The following USP3 variants were observed in gnomAD, a reference collection of about 807,000 sequenced individuals.
USP3 encodes the protein ubiquitin specific peptidase 3.
USP3 carries 20 observed loss-of-function variants against 72.3 expected under a neutral mutation model. The observed-to-expected ratio is 0.28, with a 90% confidence interval of 0.19 to 0.40. The LOEUF (loss-of-function observed/expected upper bound fraction) is 0.40, where lower values mean the gene tolerates loss of function less well. Among genes scored for constraint, USP3 ranks in the 10% least tolerant of loss-of-function variants. The pLI, the probability that USP3 is intolerant of heterozygous loss-of-function variation, is 1.00. For synonymous variants in USP3, 222 were observed against 225.3 expected, an observed-to-expected ratio of 0.99 and a Z score of 0.13; for missense variants, 479 against 633.9, an observed-to-expected ratio of 0.76 and a Z score of 2.62.
intron 1 of USP3, among the ~76,000 whole-genome samples, chr15:63,515,266 TG>T (rs1276080547): frequency 3.3e-5 from 5 of 152,242 alleles, no homozygotes; most frequent in Non-Finnish European, 7.3e-5. Context: ...TCTGAATTTG[TG>T]GTAGAAGGAA....
Position 63,588,800 on chromosome 15 carries a change from A to G in USP3, c.1314A>G (p.Lys438=). 3.1e-6 allele frequency: 5 copies of G among 1,614,080 alleles called. No homozygotes were observed. The highest frequency in any genetic ancestry group is 1.3e-5 in the African/African-American group (1 of 75,066). The part of the protein sequence containing the change: ...VEFPLRGLDM[K]CYLLEPENSG... ...TTCCACTGAGAGGCCTAGACATGAA[A>G]TGCTACTTACTAGAGGTAAGGTGGT... is the stretch of plus-strand genomic sequence containing the variant. Residue 438 remains lysine, a synonymous_variant, in exon 13 of 15, where the codon AAA becomes AAG. Transcript: ENST00000380324. This position sits in a 1 kb window ranked among gnomAD's most constrained non-coding sequence, Gnocchi z 4.6.
At chr15:63,587,031 A>G (rs1003352441) in intron 11 of USP3, among the ~76,000 whole-genome samples, 8 of 152,170 alleles carry the variant, frequency 5.3e-5, no homozygotes, top group Admixed American at 2.6e-4. Flanking sequence ...AAGGCTGACT[A>G]TGGCTTGGAA....
intron 6 of USP3, 100 bp from the exon 7 acceptor site, chr15:63,559,757 G>GA: frequency 1.0e-6 from 1 of 968,548 alleles, no homozygotes; most frequent in East Asian, 2.7e-5. Flanking sequence ...TGAGACAATT[G>GA]AAAAATGGCA....
intron 1 of USP3, among the ~76,000 whole-genome samples, chr15:63,523,280 T>C (rs17184782): frequency 0.12 from 18,809 of 152,202 alleles, 1,581 homozygotes; most frequent in South Asian, 0.19. Context: ...TCATGAAATC[T>C]TTACCATAGC....
At chr15:63,513,108 G>T (rs796214055) in intron 1 of USP3, among the ~76,000 whole-genome samples, 17 of 152,246 alleles carry the variant, frequency 1.1e-4, no homozygotes, top group African/African-American at 4.1e-4. Context: ...TTCTTGAGTA[G>T]AAGTTTTCTC....
chr15:63,575,280 A>G (rs2066845363), intron 11 of USP3, among the ~76,000 whole-genome samples: 1 of 151,906 alleles, frequency 6.6e-6, no homozygotes, highest in Non-Finnish European at 1.5e-5. Flanking sequence ...TCACACTTGA[A>G]CCACATGTGC....
Position 63,559,893 on chromosome 15 carries a change from G to A in USP3, c.570G>A (p.Leu190=). The part of the protein sequence containing the change: ...IEQFCCYFKE[L]PAVELRNGKT... ...AGTTTTGCTGTTATTTCAAAGAACT[G>A]CCCGCCGTGGAGTTAAGGAATGGGA... Residue 190 remains leucine, a synonymous_variant, in exon 7 of 15, where the codon CTG becomes CTA. Coordinates refer to ENST00000380324, the MANE Select transcript of USP3 (RefSeq NM_006537.4). 1.2e-6 allele frequency: 2 copies of A among 1,613,864 alleles called. No homozygotes were observed. The highest frequency in any genetic ancestry group is 1.7e-6 in the Non-Finnish European group (2 of 1,179,908).
rs61574200 is a variant in USP3, at chr15:63,584,092, GTTTTTTTTTTT to G, written c.1097-4200_1097-4190del. On this transcript the variant is annotated intron_variant, in intron 11 of 14. Transcript: ENST00000380324. The stretch of plus-strand genomic sequence containing the variant: ...CCCACCAGCAAGGTACAACGGTTTT[GTTTTTTTTTTT>G]TTTTTTTTTTTTGAGATGGAGTCTC... 7.6e-4 allele frequency among the ~76,000 whole-genome samples: 65 copies of G among 85,582 alleles called. No homozygotes were observed. The South Asian group carries it at 0.025, about 33-fold the overall frequency. 56.1% of individuals were successfully genotyped at this position (85,582 alleles called of 152,430 possible).
intron 3 of USP3, among the ~76,000 whole-genome samples, chr15:63,543,286 T>C (rs895531704): frequency 1.3e-5 from 2 of 152,096 alleles, no homozygotes; most frequent in Non-Finnish European, 2.9e-5. Flanking sequence ...CTCAAACATA[T>C]TGTGAACAAC....
At chr15:63,514,220 A>G (rs2065823454) in intron 1 of USP3, among the ~76,000 whole-genome samples, 2 of 152,062 alleles carry the variant, frequency 1.3e-5, no homozygotes, top group African/African-American at 4.8e-5. Context: ...TTAGAGCCTC[A>G]TTTAAAAAAT....
In USP3 at chr15:63,529,781, G is replaced by A. The variant is rs188615203; in HGVS notation, c.92-2866G>A. Among the ~76,000 whole-genome samples the A allele has an allele frequency of 2.0e-5, 3 of 152,120 alleles. No individual in the cohort carries two copies. Among genetic ancestry groups the A allele is most frequent in the African/African-American group, 4.8e-5 (2 of 41,406 alleles). ...TTCTGCTCCAGATTTCTTTTTCCTCGTACAAAGGAGGGACAAAAATCCTCC... is the reference window on the plus strand; with the variant it reads ...TTCTGCTCCAGATTTCTTTTTCCTCATACAAAGGAGGGACAAAAATCCTCC... On this transcript the variant is annotated intron_variant, in intron 1 of 14. Transcript: ENST00000380324. This position sits in a 1 kb window ranked among gnomAD's most constrained non-coding sequence, Gnocchi z 4.2.
chr15:63,518,850 C>T (rs139515415), intron 1 of USP3, among the ~76,000 whole-genome samples: 1,558 of 152,124 alleles, frequency 0.01, 30 homozygotes, highest in African/African-American at 0.036. Context: ...ACTGCAAGCT[C>T]CGCCTCCCAG....
chr15:63,548,850 C>T (rs954523160), intron 3 of USP3, among the ~76,000 whole-genome samples: 19 of 152,176 alleles, frequency 1.2e-4, no homozygotes, highest in South Asian at 2.1e-4. Flanking sequence ...CATGCCACCA[C>T]GCCCGACTAT....
intron 3 of USP3, among the ~76,000 whole-genome samples, chr15:63,548,772 CA>C (rs1422555631): frequency 6.6e-6 from 1 of 152,230 alleles, no homozygotes; most frequent in East Asian, 1.9e-4. Flanking sequence ...CTGCTCACTG[CA>C]ACCTCTGTCT....
In USP3 at chr15:63,532,629, T is replaced by C; in HGVS notation, c.92-18T>C. On this transcript the variant is annotated intron_variant, in intron 1 of 14. Coordinates refer to ENST00000380324, the MANE Select transcript of USP3 (RefSeq NM_006537.4). ...AACATGATGCAATTGGTATATTGTG[T>C]ATTTTTCTTTTTATTAGTGTGCCGG... 2.5e-6 allele frequency: 4 copies of C among 1,613,838 alleles called. No homozygotes were observed. The highest frequency in any genetic ancestry group is 3.4e-6 in the Non-Finnish European group (4 of 1,179,766).
intron 1 of USP3, among the ~76,000 whole-genome samples, chr15:63,512,037 A>G (rs755253429): frequency 1.4e-5 from 2 of 147,944 alleles, no homozygotes; most frequent in African/African-American, 2.5e-5. Context: ...TCTCACTGCA[A>G]CCTCCGCCTC....
intron 3 of USP3, among the ~76,000 whole-genome samples, chr15:63,538,977 G>C (rs760668206): frequency 1.3e-5 from 2 of 152,148 alleles, no homozygotes; most frequent in Non-Finnish European, 2.9e-5. Flanking sequence ...CAGTAGAAAT[G>C]AAAATCTTCC....
intron 5 of USP3, among the ~76,000 whole-genome samples, chr15:63,557,842 G>A (rs1436440182): frequency 6.6e-6 from 1 of 152,038 alleles, no homozygotes; most frequent in Admixed American, 6.6e-5. Context: ...GTACTCCATG[G>A]TACTCATTAA....
Position 63,518,880 on chromosome 15 carries a change from C to T in USP3, c.92-13767C>T, listed in dbSNP as rs1008324497. On this transcript the variant is annotated intron_variant, in intron 1 of 14. Coordinates refer to ENST00000380324, the MANE Select transcript of USP3 (RefSeq NM_006537.4). The stretch of plus-strand genomic sequence containing the variant: ...TCCCAGGTTCACAGCATTCTCCTGC[C>T]TCAGCCTCCTGAGTAGCTGGGACTA... Among the ~76,000 whole-genome samples the T allele has an allele frequency of 3.1e-4, 47 of 152,186 alleles. 1 individual carries two copies. The highest frequency in any genetic ancestry group is 3.4e-3 in the Middle Eastern group (1 of 294).
Sources: allele counts gnomAD v4.1 joint callset (sites outside exome capture counted in the v4.1 genomes callset), GRCh38; gene constraint gnomAD v4.1.1; non-coding constraint Gnocchi (gnomAD v3.1); transcripts MANE v1.5; gene names NCBI Gene and HGNC (gene_info 2026-07-23, HGNC 2026-07-21).